Variants in GPAT2 observed in about 807,000 individuals in gnomAD.
GPAT2 encodes the protein 1-acylglycerol-3-phosphate O-acyltransferase GPAT2.
Under a neutral mutation model 71.0 loss-of-function variants are expected in GPAT2, and 51 were observed. The ratio of observed to expected loss-of-function variants is 0.72; its 90% CI spans 0.57 to 0.91. GPAT2 has a LOEUF of 0.91. GPAT2 is among the 40% of genes least tolerant of loss of function. The probability of loss-of-function intolerance (pLI) is 0.00; values close to 1 mark genes in which losing one functional copy is unlikely to be tolerated. For missense variants in GPAT2, 511 were observed against 666.0 expected (o/e 0.77, Z 2.56); for synonymous variants, 222 against 290.3 (o/e 0.76, Z 2.39).
At chr2:96,024,376 C>A in intron 15 of GPAT2, 39 bp from the exon 16 acceptor site, 1 of 1,605,248 alleles carries the variant, frequency 6.2e-7, no homozygotes, top group Non-Finnish European at 8.5e-7. Flanking sequence ...GGAGCCGTTC[C>A]CTTCACCACT....
chr2:96,022,569 C>T (rs1389757900), intron 21 of GPAT2, 99 bp downstream of exon 21: 11 of 1,265,680 alleles, frequency 8.7e-6, no homozygotes, highest in Admixed American at 1.7e-5. Flanking sequence ...ACCATCAGGC[C>T]AGCCCTGTGG....
chr2:96,024,177 G>A lies in GPAT2; in HGVS notation c.1836+12C>T, dbSNP rs1215008248. On this transcript the variant is annotated intron_variant, in intron 16 of 21. Transcript: ENST00000434632. ...AGGCCTAGGACCAAGTGGGCCGTAG[G>A]GGAGGCCTGACCTTTAGCAGCAGCA... 8 of 1,509,946 alleles carry A rather than the reference G, an allele frequency of 5.3e-6. No individual in the cohort carries two copies. The highest frequency in any genetic ancestry group is 7.1e-6 in the Non-Finnish European group (8 of 1,127,662). The allele number at this position is 1,509,946 out of a possible 1,614,324, so 93.5% of individuals were successfully genotyped here.
Position 96,025,582 on chromosome 2 carries a change from C to T in GPAT2, c.1260G>A (p.Glu420=). ...LGQCTAVPDT[E]KEQEWTPITG... The stretch of plus-strand genomic sequence containing the variant: ...TTATGGGGGTCCACTCCTGCTCCTT[C>T]TCAGTGTCTGGGACAGCAGTACTGA... The change falls in exon 13 of 22, where the codon GAG becomes GAA. Residue 420 remains glutamate (E), a synonymous_variant. Transcript: ENST00000434632. 2 of 1,576,250 alleles carry T rather than the reference C, an allele frequency of 1.3e-6. No homozygotes were observed. Among genetic ancestry groups the T allele is most frequent in the East Asian group, 2.3e-5 (1 of 43,988 alleles).
chr2:96,022,663 C>G lies in GPAT2; in HGVS notation c.2289+5G>C. The G allele has an allele frequency of 2.5e-6, 4 of 1,613,724 alleles. No individual in the cohort carries two copies. The highest frequency in any genetic ancestry group is 3.4e-6 in the Non-Finnish European group (4 of 1,179,670). ...ACAGAAGATGGTGACAGTGGCTCCT[C>G]TCACCCCTAGGTCTCTGAAGGTCCA... On this transcript the variant is annotated splice_donor_5th_base_variant and intron_variant, in intron 21 of 21. Coordinates refer to ENST00000434632, the MANE Select transcript of GPAT2 (RefSeq NM_001321527.2).
intron 2 of GPAT2, 36 bp downstream of exon 2, chr2:96,032,261 C>A (rs370209346): frequency 4.0e-6 from 6 of 1,517,370 alleles, no homozygotes; most frequent in Admixed American, 3.6e-5. Context: ...GGTGGCAGGG[C>A]AGAGAGGATT....
rs1248552573 is a variant in GPAT2 at position 96,026,027 on chromosome 2, G to T, written c.1156-15C>A. 6.2e-7 allele frequency: 1 copy of T among 1,612,136 alleles called. No individual in the cohort carries two copies. The highest frequency in any genetic ancestry group is 1.3e-5 in the African/African-American group (1 of 74,882). ...ACGATGTATTCCTGCCCAAGAGAAG[G>T]CTCTTAGGTGGCCTGCTCGGGCCCA... On this transcript the variant is annotated splice_polypyrimidine_tract_variant and intron_variant, in intron 11 of 21. Coordinates refer to ENST00000434632, the MANE Select transcript of GPAT2 (RefSeq NM_001321527.2).
rs769729116 is a variant in GPAT2, at chr2:96,023,003, G to A, written c.2188C>T (p.Leu730=). Reference sequence around the variant, plus strand: ...GCGGTGGCCTGCAGGAACTGGAACAGCTGCTCTGTGTAGCCCAACTCTGCA... The same window carrying A: ...GCGGTGGCCTGCAGGAACTGGAACAACTGCTCTGTGTAGCCCAACTCTGCA... ...PDTELGYTEQ[L]FQFLQATAQE... The change falls in exon 20 of 22, where the codon CTG becomes TTG. Residue 730 remains leucine, a synonymous_variant. Transcript: ENST00000434632. 6.2e-7 allele frequency: 1 copy of A among 1,613,974 alleles called. No individual in the cohort carries two copies. Among genetic ancestry groups the A allele is most frequent in the South Asian group, 1.1e-5 (1 of 91,078 alleles).
chr2:96,024,955 G>A (rs1047754557), intron 13 of GPAT2, 112 bp from the exon 14 acceptor site: 9 of 1,222,148 alleles, frequency 7.4e-6, no homozygotes, highest in Admixed American at 3.4e-5. Flanking sequence ...CCCCAGGGAT[G>A]AGGAACGTAC....
rs1386189685 is a variant in GPAT2 at position 96,026,771 on chromosome 2, C to T, written c.958G>A (p.Val320Ile). 1.8e-5 allele frequency: 1 copy of T among 55,450 alleles called. No homozygotes were observed. Among genetic ancestry groups the T allele is most frequent in the African/African-American group, 5.5e-4 (1 of 1,834 alleles). The allele number at this position is 55,450 out of a possible 1,614,324, so 3.4% of individuals were successfully genotyped here. Residue 320 changes from valine (V) to isoleucine (I), a missense_variant, in exon 10 of 22, where the codon GTC becomes ATC. By Grantham distance (29) the Val-to-Ile change is conservative (BLOSUM62 3). Coordinates refer to ENST00000434632, the MANE Select transcript of GPAT2 (RefSeq NM_001321527.2). The part of the protein sequence containing the change: ...FVVQAVQVGI[V>I]PDALLVPVAV... ...ACTGGTACCAGCAGAGCATCTGGGA[C>T]GATGCCCACCTGGACTGCCTGCACC...
At position 96,021,984 on chromosome 2, in the gene GPAT2, C is replaced by T. The variant is rs536072553; in HGVS notation, c.*175G>A. The T allele has an allele frequency of 1.4e-4, 205 of 1,421,656 alleles. 4 individuals are homozygous for T. In the South Asian group the frequency reaches 2.9e-3, roughly 20 times the overall value. 88.1% of individuals were successfully genotyped at this position (1,421,656 alleles called of 1,614,324 possible). ...GGGAAAAGACAACTCGTCTCGTCCC[C>T]TTGTTTATCACATCAAAGAAGGGAA... On this transcript the variant is annotated 3_prime_UTR_variant, in exon 22 of 22. Transcript: ENST00000434632.
rs780393409 is a variant in GPAT2, at chr2:96,024,770, T to C, written c.1428+3A>G. The C allele has an allele frequency of 1.2e-5, 19 of 1,613,574 alleles. No homozygotes were observed. The highest frequency in any genetic ancestry group is 1.2e-4 in the Admixed American group (7 of 59,986). The stretch of plus-strand genomic sequence containing the variant: ...CAGGTCCCCACCACATTGCACCCCC[T>C]ACCTTCTGATGCTTGAAGAGCAGCA... On this transcript the variant is annotated splice_donor_region_variant and intron_variant, in intron 14 of 21. Coordinates refer to ENST00000434632, the MANE Select transcript of GPAT2 (RefSeq NM_001321527.2).
chr2:96,024,930 C>A (rs1680228604), intron 13 of GPAT2, 87 bp from the exon 14 acceptor site: 1 of 1,424,778 alleles, frequency 7.0e-7, no homozygotes, highest in African/African-American at 1.4e-5. Flanking sequence ...TTCCTAGCCA[C>A]ACATCCCAAC....
chr2:96,024,081 C>T, intron 16 of GPAT2, 81 bp from the exon 17 acceptor site: 5 of 1,597,482 alleles, frequency 3.1e-6, no homozygotes, highest in Non-Finnish European at 4.3e-6. Flanking sequence ...GGCAAGGCCA[C>T]ACCTACTACC....
intron 21 of GPAT2, 108 bp from the exon 22 acceptor site, chr2:96,022,383 C>T: frequency 7.6e-7 from 1 of 1,308,226 alleles, no homozygotes; most frequent in Non-Finnish European, 1.0e-6. Flanking sequence ...CCTCTGGCCC[C>T]TTAGACCTCA....
Position 96,026,174 on chromosome 2 carries a change from G to T in GPAT2, c.1155+9C>A. The T allele has an allele frequency of 1.3e-6, 2 of 1,598,744 alleles. No individual in the cohort carries two copies. The highest frequency in any genetic ancestry group is 1.7e-6 in the Non-Finnish European group (2 of 1,172,066). ...AGGTACTCCCAGCCTTCCCCAGCTG[G>T]CTCCATACCTGCAGGGAAAAGGGCT... On this transcript the variant is annotated intron_variant, in intron 11 of 21. Transcript: ENST00000434632.
At chr2:96,023,592 T>C in intron 17 of GPAT2, 152 bp from the exon 18 acceptor site, 1 of 787,002 alleles carries the variant, frequency 1.3e-6, no homozygotes, top group Non-Finnish European at 2.0e-6. Flanking sequence ...CTGGGCCAAC[T>C]TGCAGAGTGA....
intron 21 of GPAT2, 147 bp from the exon 22 acceptor site, chr2:96,022,422 C>T: frequency 9.4e-7 from 1 of 1,063,910 alleles, no homozygotes; most frequent in South Asian, 1.6e-5. Context: ...TGCCGCAAAG[C>T]AGTCCCAATA....
intron 1 of GPAT2, among the ~76,000 whole-genome samples, chr2:96,033,971 A>G (rs1224112292): frequency 2.0e-5 from 3 of 151,526 alleles, no homozygotes; most frequent in South Asian, 4.2e-4. Context: ...ACATATATAT[A>G]CACACACATA....
chr2:96,023,375 T>C lies in GPAT2; in HGVS notation c.1980A>G (p.Lys660=). 1 of 1,614,112 alleles carries C rather than the reference T, an allele frequency of 6.2e-7. No homozygotes were observed. The highest frequency in any genetic ancestry group is 8.5e-7 in the Non-Finnish European group (1 of 1,180,020). The change falls in exon 18 of 22, where the codon AAA becomes AAG. Residue 660 remains lysine (K), a synonymous_variant. Transcript: ENST00000434632. ...CACTATCAGTAAAGTCCCCACTCGG[T>C]TTCCACAGCAGCTTTCTGCTCAATC... is the stretch of plus-strand genomic sequence containing the variant. ...RQRLSRKLLW[K]PSGDFTDSDS...
Sources: allele counts gnomAD v4.1 joint callset (sites outside exome capture counted in the v4.1 genomes callset), GRCh38; gene constraint gnomAD v4.1.1; transcripts MANE v1.5; gene names NCBI Gene and HGNC (gene_info 2026-07-23, HGNC 2026-07-21).